Variants in CCDC178 observed in about 807,000 individuals in gnomAD.
The protein encoded by CCDC178 is coiled-coil domain-containing protein 178.
Under a neutral mutation model 117.4 loss-of-function variants are expected in CCDC178, and 126 were observed. The observed-to-expected ratio is 1.07, with a 90% CI of 0.93 to 1.24. The LOEUF is 1.24. CCDC178 is among the 50% of genes most tolerant of loss of function. The probability of loss-of-function intolerance (pLI) is 0.00; values close to 1 mark genes in which losing one functional copy is unlikely to be tolerated. For synonymous variants in CCDC178, 283 were observed against 313.4 expected, an observed-to-expected ratio of 0.90 and a Z score of 1.02; for missense variants, 1,030 against 986.9, an observed-to-expected ratio of 1.04 and a Z score of -0.59.
intron 21 of CCDC178, among the ~76,000 whole-genome samples, chr18:33,066,681 C>T (rs898842446): frequency 1.3e-5 from 2 of 152,110 alleles, no homozygotes; most frequent in Middle Eastern, 3.4e-3. Context: ...AGATCAAAAC[C>T]GAAGTGAAGC....
intron 18 of CCDC178, among the ~76,000 whole-genome samples, chr18:33,221,636 C>G (rs1218260344): frequency 6.6e-6 from 1 of 152,068 alleles, no homozygotes; most frequent in African/African-American, 2.4e-5. Context: ...AACTATACTT[C>G]TTTTGTAAGC....
rs147552076 is a variant in CCDC178 at position 33,384,727 on chromosome 18, T to C, written c.208+4813A>G. Among the ~76,000 whole-genome samples the C allele has an allele frequency of 1.8e-3, 277 of 152,190 alleles. 2 individuals are homozygous for C. Among genetic ancestry groups the C allele is most frequent in the Non-Finnish European group, 1.7e-3 (116 of 67,990 alleles). On this transcript the variant is annotated intron_variant, in intron 5 of 22. Transcript: ENST00000383096. ...TTCTGAAGGAAACACTAAACATAGA[T>C]AGGAAAAACCATTATCATCCACTAC...
At chr18:33,309,306 C>A (rs1310119054) in intron 11 of CCDC178, among the ~76,000 whole-genome samples, 1 of 151,782 alleles carries the variant, frequency 6.6e-6, no homozygotes. Context: ...TAGGTGAATA[C>A]CTGATATTCA....
intron 12 of CCDC178, among the ~76,000 whole-genome samples, chr18:33,280,651 C>A (rs924184485): frequency 2.0e-5 from 3 of 152,010 alleles, no homozygotes; most frequent in African/African-American, 7.3e-5. Flanking sequence ...GACACATGCA[C>A]ACGTATGTTT....
chr18:33,423,174 T>A (rs1218765036), intron 2 of CCDC178, among the ~76,000 whole-genome samples: 1 of 152,156 alleles, frequency 6.6e-6, no homozygotes, highest in Non-Finnish European at 1.5e-5. Context: ...CCTAAAAAAA[T>A]AGTTAATAAT....
At chr18:33,348,868 C>A in intron 8 of CCDC178, 22 bp downstream of exon 8, 1 of 1,480,522 alleles carries the variant, frequency 6.8e-7, no homozygotes, top group South Asian at 1.1e-5. Flanking sequence ...TACAGTTATT[C>A]AAGTAGGAGG....
chr18:32,961,277 T>C (rs1331034273), intron 22 of CCDC178, among the ~76,000 whole-genome samples: 1 of 152,198 alleles, frequency 6.6e-6, no homozygotes, highest in African/African-American at 2.4e-5. Flanking sequence ...TCAACTTTTA[T>C]TAGATACATA....
rs79473090 is a variant in CCDC178, at chr18:33,100,792, A to T, written c.2239-7882T>A. Among the ~76,000 whole-genome samples, 924 of 152,058 alleles carry T rather than the reference A, an allele frequency of 6.1e-3. 12 individuals are homozygous for T. Among genetic ancestry groups the T allele is most frequent in the African/African-American group, 0.021 (867 of 41,510 alleles). On this transcript the variant is annotated intron_variant, in intron 20 of 22. Coordinates refer to ENST00000383096, the MANE Select transcript of CCDC178 (RefSeq NM_001105528.4). Reference sequence around the variant, plus strand: ...ATAACTATTGAATAACTTAAAGAAAACCTTACACAAATGCCACTTATGTTA... The same window carrying T: ...ATAACTATTGAATAACTTAAAGAAATCCTTACACAAATGCCACTTATGTTA...
At chr18:33,411,327 C>T (rs1568209710) in intron 3 of CCDC178, among the ~76,000 whole-genome samples, 1 of 152,118 alleles carries the variant, frequency 6.6e-6, no homozygotes, top group African/African-American at 2.4e-5. Flanking sequence ...GGGCCAAATG[C>T]AGTCTCTGTT....
At chr18:33,411,851 T>C (rs1350758838) in intron 3 of CCDC178, among the ~76,000 whole-genome samples, 180 bp downstream of exon 3, 1 of 152,148 alleles carries the variant, frequency 6.6e-6, no homozygotes, top group African/African-American at 2.4e-5. Flanking sequence ...ATAATGTGTT[T>C]TTGTTACGCT....
chr18:33,353,063 T>A (rs926072052), intron 7 of CCDC178, among the ~76,000 whole-genome samples: 4 of 152,092 alleles, frequency 2.6e-5, no homozygotes, highest in South Asian at 2.1e-4. Context: ...ATTCTGTTAG[T>A]TTATATGTCT....
At chr18:32,979,851 T>C (rs1346005632) in intron 21 of CCDC178, among the ~76,000 whole-genome samples, 1 of 152,200 alleles carries the variant, frequency 6.6e-6, no homozygotes, top group African/African-American at 2.4e-5. Context: ...TTAAGAGTAA[T>C]ATTAGGATCA....
chr18:32,987,177 T>C (rs1009443469), intron 21 of CCDC178, among the ~76,000 whole-genome samples: 5 of 151,872 alleles, frequency 3.3e-5, no homozygotes, highest in Non-Finnish European at 5.9e-5. Flanking sequence ...TAACCATATA[T>C]GGATTACATT....
chr18:33,234,071 T>C (rs1047914724), intron 15 of CCDC178, among the ~76,000 whole-genome samples: 18 of 152,170 alleles, frequency 1.2e-4, no homozygotes, highest in Admixed American at 2.6e-4. Context: ...AGTTTTATTA[T>C]ATTCTCAAAT....
rs925880569 is a variant in CCDC178 at position 33,178,821 on chromosome 18, C to T, written c.2238+33075G>A. ...CAAAGTCATCTTATTGGTGAAACCT[C>T]CATGGGCCCCTATTTTGATTTAGAT... On this transcript the variant is annotated intron_variant, in intron 20 of 22. Transcript: ENST00000383096. Among the ~76,000 whole-genome samples, 6 of 151,546 alleles carry T rather than the reference C, an allele frequency of 4.0e-5. 1 individual carries two copies. The Admixed American group carries it at 4.0e-4, about 10-fold the overall frequency.
At chr18:33,280,838 T>C (rs140259304) in intron 12 of CCDC178, among the ~76,000 whole-genome samples, 10,376 of 151,906 alleles carry the variant, frequency 0.068, 548 homozygotes, top group African/African-American at 0.14. Flanking sequence ...TCATTCTCAG[T>C]AAACTATCGC....
intron 9 of CCDC178, among the ~76,000 whole-genome samples, chr18:33,344,052 C>A (rs1176433702): frequency 6.6e-6 from 1 of 151,766 alleles, no homozygotes; most frequent in Non-Finnish European, 1.5e-5. Context: ...CGCCTGTAAT[C>A]CCAGCACTTT....
chr18:33,319,983 A>C (rs1213372691), intron 11 of CCDC178, among the ~76,000 whole-genome samples: 4 of 152,230 alleles, frequency 2.6e-5, no homozygotes, highest in African/African-American at 4.8e-5. Flanking sequence ...AGAACCAATG[A>C]CAAAAAATCA....
At chr18:33,144,244 G>A (rs1183188458) in intron 20 of CCDC178, among the ~76,000 whole-genome samples, 1 of 152,018 alleles carries the variant, frequency 6.6e-6, no homozygotes, top group Non-Finnish European at 1.5e-5. Context: ...CTCCAACTGT[G>A]AACTAATTAA....
Sources: allele counts gnomAD v4.1 joint callset (sites outside exome capture counted in the v4.1 genomes callset), GRCh38; gene constraint gnomAD v4.1.1; transcripts MANE v1.5; gene names NCBI Gene and HGNC (gene_info 2026-07-23, HGNC 2026-07-21).